Variants in CLSTN2 observed in about 807,000 individuals in gnomAD.
CLSTN2 encodes the protein calsyntenin 2, also known as calsyntenin-2.
Under a neutral mutation model 101.2 loss-of-function variants are expected in CLSTN2, and 48 were observed. That is an observed-to-expected ratio of 0.47 (90% confidence interval 0.38 to 0.60). The LOEUF is 0.60. CLSTN2 is among the 20% of genes least tolerant of loss of function. The pLI is 0.00. For synonymous variants in CLSTN2, 481 were observed against 463.6 expected (o/e 1.04, Z -0.48); for missense variants, 1,160 against 1,238.2 (o/e 0.94, Z 0.95).
At chr3:140,146,784 A>T (rs1576445050) in intron 1 of CLSTN2, among the ~76,000 whole-genome samples, 1 of 152,214 alleles carries the variant, frequency 6.6e-6, no homozygotes, top group East Asian at 1.9e-4. Context: ...GACTTTAGTC[A>T]CCATGCCACC....
At chr3:140,215,409 T>C (rs927951372) in intron 2 of CLSTN2, among the ~76,000 whole-genome samples, 4 of 152,226 alleles carry the variant, frequency 2.6e-5, no homozygotes, top group Admixed American at 2.6e-4. Context: ...AGATAACTCG[T>C]TCACAAACAC....
intron 8 of CLSTN2, among the ~76,000 whole-genome samples, chr3:140,481,838 G>A (rs1163998649): frequency 6.6e-6 from 1 of 152,202 alleles, no homozygotes. Flanking sequence ...TCGGCTTAAG[G>A]AGATTTTGGG....
chr3:140,403,682 G>T lies in CLSTN2; in HGVS notation c.286G>T (p.Val96Leu). The T allele has an allele frequency of 1.2e-6, 2 of 1,614,198 alleles. No individual in the cohort carries two copies. Among genetic ancestry groups the T allele is most frequent in the Non-Finnish European group, 1.7e-6 (2 of 1,180,016 alleles). Residue 96 changes from valine to leucine, a missense_variant, in exon 3 of 17, where the codon GTG becomes TTG. Transcript: ENST00000458420. The part of the protein sequence containing the change: ...HGQELPFEAV[V>L]LNKTSGEGRL... The stretch of plus-strand genomic sequence containing the variant: ...CCAGGAGCTGCCCTTTGAGGCTGTG[G>T]TGCTCAACAAGACATCAGGAGAGGG...
At chr3:140,000,191 A>G (rs1023663853) in intron 1 of CLSTN2, among the ~76,000 whole-genome samples, 1 of 152,204 alleles carries the variant, frequency 6.6e-6, no homozygotes, top group Non-Finnish European at 1.5e-5. Context: ...TTTGAATTCA[A>G]TCAGACAAGT....
chr3:140,417,549 T>TA (rs201344782), intron 4 of CLSTN2, among the ~76,000 whole-genome samples: 45 of 151,478 alleles, frequency 3.0e-4, no homozygotes, highest in Admixed American at 1.2e-3. Flanking sequence ...TCTCCGAGTT[T>TA]AAAAAAAAAT....
intron 2 of CLSTN2, among the ~76,000 whole-genome samples, chr3:140,270,170 A>G (rs187172011): frequency 2.0e-5 from 3 of 152,296 alleles, no homozygotes; most frequent in Non-Finnish European, 2.9e-5. Context: ...AGTACTAACT[A>G]TGTGTCCACT....
chr3:140,197,568 T>C lies in CLSTN2; in HGVS notation c.232+21495T>C, dbSNP rs115766401. Among the ~76,000 whole-genome samples the C allele has an allele frequency of 1.3e-3, 201 of 152,294 alleles. 1 individual carries two copies. Among genetic ancestry groups the C allele is most frequent in the African/African-American group, 4.6e-3 (192 of 41,552 alleles). On this transcript the variant is annotated intron_variant, in intron 2 of 16. Coordinates refer to ENST00000458420, the MANE Select transcript of CLSTN2 (RefSeq NM_022131.3). ...AGTTCACATAGATGGGCATTACTCG[T>C]TCTGATCGCTGGTTCTCAACTGAGG...
chr3:140,413,372 A>G (rs2088388212), intron 4 of CLSTN2, among the ~76,000 whole-genome samples: 2 of 152,220 alleles, frequency 1.3e-5, no homozygotes, highest in Non-Finnish European at 2.9e-5. Flanking sequence ...GAACAGACCA[A>G]TAATGAGTAG....
chr3:140,118,766 A>G (rs2009287507), intron 1 of CLSTN2, among the ~76,000 whole-genome samples: 1 of 152,194 alleles, frequency 6.6e-6, no homozygotes, highest in African/African-American at 2.4e-5. Flanking sequence ...CAGTTTCTAC[A>G]TCTTTGGAAT....
At chr3:139,937,168 G>C (rs533368081) in intron 1 of CLSTN2, among the ~76,000 whole-genome samples, 1 of 152,154 alleles carries the variant, frequency 6.6e-6, no homozygotes, top group Non-Finnish European at 1.5e-5. Context: ...GCAGATGTCT[G>C]CAAACGGGAG....
chr3:140,288,684 A>G (rs1012745316), intron 2 of CLSTN2, among the ~76,000 whole-genome samples: 7 of 152,088 alleles, frequency 4.6e-5, no homozygotes. Flanking sequence ...CACCAACACC[A>G]CTGACTAATT....
At position 140,417,100 on chromosome 3, in the gene CLSTN2, A is replaced by G. The variant is rs149019115; in HGVS notation, c.638-4025A>G. Among the ~76,000 whole-genome samples, 259 of 152,300 alleles carry G rather than the reference A, an allele frequency of 1.7e-3. 1 individual carries two copies. Among genetic ancestry groups the G allele is most frequent in the African/African-American group, 6.1e-3 (253 of 41,554 alleles). The stretch of plus-strand genomic sequence containing the variant: ...TTAACCATTAAATCATTGTTTGCCA[A>G]ATTTTCAATAGTTTTTCTGTAAAGT... On this transcript the variant is annotated intron_variant, in intron 4 of 16. Transcript: ENST00000458420.
chr3:140,008,075 T>A lies in CLSTN2; in HGVS notation c.109+72592T>A, dbSNP rs181425895. 6.4e-4 allele frequency among the ~76,000 whole-genome samples: 98 copies of A among 152,338 alleles called. 1 individual carries two copies. The highest frequency in any genetic ancestry group is 2.1e-3 in the African/African-American group (87 of 41,576). On this transcript the variant is annotated intron_variant, in intron 1 of 16. Transcript: ENST00000458420. ...TGCAGTGATGCCAAGTCTAGTAAGA[T>A]GTAGCACCAGCTGCAGGAGTTCATA... is the stretch of plus-strand genomic sequence containing the variant.
chr3:140,134,130 C>T (rs1249028843), intron 1 of CLSTN2, among the ~76,000 whole-genome samples: 6 of 152,186 alleles, frequency 3.9e-5, no homozygotes, highest in East Asian at 1.9e-4. Context: ...AGCTAATTCT[C>T]ACCTGGCTTG....
chr3:140,195,490 G>A (rs926528868), intron 2 of CLSTN2, among the ~76,000 whole-genome samples: 4 of 151,816 alleles, frequency 2.6e-5, no homozygotes, highest in Admixed American at 1.3e-4. Flanking sequence ...TACTTAGTGG[G>A]AAGAATAGTT....
intron 2 of CLSTN2, among the ~76,000 whole-genome samples, chr3:140,328,280 A>G (rs2087349934): frequency 6.6e-6 from 1 of 152,122 alleles, no homozygotes; most frequent in Admixed American, 6.5e-5. Context: ...ACCACACACC[A>G]CGATAATCAG....
intron 2 of CLSTN2, among the ~76,000 whole-genome samples, chr3:140,348,629 A>G (rs765324062): frequency 1.3e-5 from 2 of 152,226 alleles, no homozygotes; most frequent in Non-Finnish European, 2.9e-5. Context: ...ATTTTCCCCA[A>G]TTACAGGAAG....
intron 1 of CLSTN2, among the ~76,000 whole-genome samples, chr3:140,030,017 C>G (rs2007513343): frequency 6.6e-6 from 1 of 152,210 alleles, no homozygotes; most frequent in African/African-American, 2.4e-5. Context: ...CGCATCTCAT[C>G]TTGGTCCTTT....
chr3:140,262,384 G>A (rs1300588164), intron 2 of CLSTN2, among the ~76,000 whole-genome samples: 2 of 152,220 alleles, frequency 1.3e-5, no homozygotes. Context: ...CATGGCACAA[G>A]AGAGGGCTTA....
Sources: allele counts gnomAD v4.1 joint callset (sites outside exome capture counted in the v4.1 genomes callset), GRCh38; gene constraint gnomAD v4.1.1; transcripts MANE v1.5; gene names NCBI Gene and HGNC (gene_info 2026-07-23, HGNC 2026-07-21).